The following ITPKB variants were observed in gnomAD, a reference collection of about 807,000 sequenced individuals.
ITPKB encodes the protein IP3 3-kinase B.
In ITPKB, 13 loss-of-function variants were observed where a neutral mutation model predicts 69.4. That is an observed-to-expected ratio of 0.19 (90% CI 0.12 to 0.30). The LOEUF (loss-of-function observed/expected upper bound fraction) is 0.30, where lower values mean the gene tolerates loss of function less well. ITPKB is among the 10% of genes least tolerant of loss of function. The pLI, the probability that ITPKB is intolerant of heterozygous loss-of-function variation, is 1.00. For synonymous variants in ITPKB, 584 were observed against 513.7 expected (o/e 1.14, Z -1.85); for missense variants, 1,240 against 1,250.5 (o/e 0.99, Z 0.13).
intron 2 of ITPKB, among the ~76,000 whole-genome samples, chr1:226,732,912 C>G (rs74986127): frequency 1.3e-5 from 2 of 152,134 alleles, no homozygotes; most frequent in Non-Finnish European, 2.9e-5. Flanking sequence ...ACTGTCACCC[C>G]CTGCCTGCAC....
intron 4 of ITPKB, among the ~76,000 whole-genome samples, chr1:226,645,381 GA>G (rs1056914844): frequency 2.0e-5 from 3 of 152,206 alleles, no homozygotes; most frequent in African/African-American, 7.2e-5. Context: ...TGCAATCAGA[GA>G]GAAGCTGCGG....
chr1:226,647,083 C>T (rs1349118254), intron 4 of ITPKB, 84 bp downstream of exon 4: 18 of 1,283,292 alleles, frequency 1.4e-5, no homozygotes, highest in Admixed American at 1.8e-5. Flanking sequence ...GTGAGGCCTC[C>T]GGGAAGCCCT....
Position 226,736,297 on chromosome 1 carries a change from C to G in ITPKB, c.1162G>C (p.Glu388Gln). The change falls in exon 2 of 8, where the codon GAA (glutamate) becomes CAA (glutamine). Residue 388 changes from glutamate (E) to glutamine (Q), a missense_variant. By Grantham distance (29) the Glu-to-Gln change is conservative (BLOSUM62 2). Around this residue, in one of 2 missense-constraint regions of ITPKB, gnomAD observed 992 missense variants for 853.8 expected, o/e 1.16. Transcript: ENST00000429204. ...PCGMPGSGEP[E>Q]VGKRPEETTV... Reference sequence around the variant, plus strand: ...GTCTCCTCTGGCCTTTTGCCCACTTCAGGCTCCCCAGAGCCCGGCATGCCA... The same window carrying G: ...GTCTCCTCTGGCCTTTTGCCCACTTGAGGCTCCCCAGAGCCCGGCATGCCA... 1 of 1,605,648 alleles carries G rather than the reference C, an allele frequency of 6.2e-7. No individual in the cohort carries two copies. Among genetic ancestry groups the G allele is most frequent in the Non-Finnish European group, 8.5e-7 (1 of 1,176,846 alleles).
At chr1:226,732,531 C>T (rs982652665) in intron 2 of ITPKB, among the ~76,000 whole-genome samples, 1 of 151,344 alleles carries the variant, frequency 6.6e-6, no homozygotes, top group Non-Finnish European at 1.5e-5. Flanking sequence ...AGCCACCGTG[C>T]CCAGCGTTCT....
intron 1 of ITPKB, 30 bp from the exon 2 acceptor site, chr1:226,737,693 C>A (rs894727615): frequency 6.5e-5 from 51 of 787,260 alleles, no homozygotes; most frequent in Non-Finnish European, 8.1e-5. Flanking sequence ...AAAGTCAGGA[C>A]CCTGGAGGGC....
At chr1:226,655,789 G>A (rs546144475) in intron 2 of ITPKB, among the ~76,000 whole-genome samples, 17 of 152,304 alleles carry the variant, frequency 1.1e-4, no homozygotes, top group Non-Finnish European at 2.1e-4. Flanking sequence ...CCAAACCAAT[G>A]TTATATTTCT....
intron 2 of ITPKB, chr1:226,656,736 T>C (rs889948211): frequency 6.6e-6 from 1 of 152,172 alleles, no homozygotes; most frequent in African/African-American, 2.4e-5. Context: ...AGTGTAGAGG[T>C]TGGAACGAAC....
chr1:226,706,118 C>T (rs1656796863), intron 2 of ITPKB, among the ~76,000 whole-genome samples: 1 of 152,200 alleles, frequency 6.6e-6, no homozygotes, highest in South Asian at 2.1e-4. Context: ...AAGGTCAAAA[C>T]CAAGTAAATC....
intron 2 of ITPKB, among the ~76,000 whole-genome samples, chr1:226,665,559 G>T (rs576554149): frequency 2.0e-5 from 3 of 152,230 alleles, no homozygotes; most frequent in Admixed American, 1.3e-4. Flanking sequence ...AAGACAAAAC[G>T]GGCCTCTCTG....
At chr1:226,673,865 A>G (rs1210670314) in intron 2 of ITPKB, among the ~76,000 whole-genome samples, 1 of 152,210 alleles carries the variant, frequency 6.6e-6, no homozygotes, top group Non-Finnish European at 1.5e-5. Flanking sequence ...CCTGCTACAG[A>G]AAGATTTCTG....
chr1:226,654,344 A>T (rs1669247557), intron 2 of ITPKB, among the ~76,000 whole-genome samples: 1 of 152,132 alleles, frequency 6.6e-6, no homozygotes, highest in Non-Finnish European at 1.5e-5. Context: ...CAACAGAGAG[A>T]AGCCTGCCCC....
chr1:226,635,986 A>T (rs1668830224), intron 7 of ITPKB, among the ~76,000 whole-genome samples: 1 of 152,238 alleles, frequency 6.6e-6, no homozygotes, highest in African/African-American at 2.4e-5. Flanking sequence ...CTGAGCCCAA[A>T]AAAGGGGCTT....
At chr1:226,712,187 C>T (rs1260290331) in intron 2 of ITPKB, among the ~76,000 whole-genome samples, 2 of 152,170 alleles carry the variant, frequency 1.3e-5, no homozygotes, top group African/African-American at 2.4e-5. Context: ...ACCACCTTCC[C>T]ACCGCACGAG....
In ITPKB at chr1:226,636,781, TGTGTGTGTGTGTGA is replaced by T. The variant is rs1469129725; in HGVS notation, c.2625+884_2625+897del. 7.9e-4 allele frequency among the ~76,000 whole-genome samples: 118 copies of T among 149,228 alleles called. 1 individual carries two copies. Among genetic ancestry groups the T allele is most frequent in the African/African-American group, 2.7e-3 (106 of 39,448 alleles). On this transcript the variant is annotated intron_variant, in intron 7 of 7. Coordinates refer to ENST00000429204, the MANE Select transcript of ITPKB (RefSeq NM_002221.4). ...GTGTGTGTGTGTGTGTGTGTGTGTG[TGTGTGTGTGTGTGA>T]GACTGGGAAAGGCATGCATGTTTGT...
Position 226,736,271 on chromosome 1 carries a change from C to T in ITPKB, c.1188G>A (p.Thr396=), listed in dbSNP as rs1411038052. Residue 396 remains threonine (T), a synonymous_variant, in exon 2 of 8, where the codon ACG becomes ACA. Transcript: ENST00000429204. The stretch of plus-strand genomic sequence containing the variant: ...ACTCTGCGCTTTGCACGCTCACAGT[C>T]GTCTCCTCTGGCCTTTTGCCCACTT... ...EPEVGKRPEE[T]TVSVQSAESS... is the part of the protein sequence containing the mutation. 19 of 1,584,000 alleles carry T rather than the reference C, an allele frequency of 1.2e-5. No homozygotes were observed. Among genetic ancestry groups the T allele is most frequent in the Non-Finnish European group, 1.6e-5 (19 of 1,167,536 alleles).
Position 226,641,972 on chromosome 1 carries a change from C to T in ITPKB, c.2400G>A (p.Arg800=), listed in dbSNP as rs779770532. 1.2e-6 allele frequency: 2 copies of T among 1,614,186 alleles called. No individual in the cohort carries two copies. Among genetic ancestry groups the T allele is most frequent in the East Asian group, 2.2e-5 (1 of 44,882 alleles). ...GGGTGGCCGTGGAGCTGATGGTCTC[C>T]CGCCACTGCATGTACCGTGGCTTGG... ...AVTKPRYMQW[R]ETISSTATLG... Residue 800 remains arginine, a synonymous_variant, in exon 5 of 8, where the codon CGG becomes CGA. Coordinates refer to ENST00000429204, the MANE Select transcript of ITPKB (RefSeq NM_002221.4). The surrounding 1 kb of genome is among the most constrained non-coding windows in gnomAD (Gnocchi z 4.6).
chr1:226,723,946 C>T (rs1413255679), intron 2 of ITPKB, among the ~76,000 whole-genome samples: 1 of 152,136 alleles, frequency 6.6e-6, no homozygotes, highest in South Asian at 2.1e-4. Flanking sequence ...TCATCTTCGA[C>T]AATTAGCTGT....
intron 2 of ITPKB, among the ~76,000 whole-genome samples, chr1:226,720,402 T>C (rs1657205180): frequency 6.6e-6 from 1 of 152,220 alleles, no homozygotes; most frequent in East Asian, 1.9e-4. Flanking sequence ...CCTTCCTCTG[T>C]TCTCCAGGCG....
chr1:226,737,607 C>G lies in ITPKB; in HGVS notation c.-149G>C, dbSNP rs915150395. 1.8e-4 allele frequency: 213 copies of G among 1,154,160 alleles called. No homozygotes were observed. Among genetic ancestry groups the G allele is most frequent in the Admixed American group, 4.3e-4 (9 of 21,086 alleles). 71.5% of individuals were successfully genotyped at this position (1,154,160 alleles called of 1,614,324 possible). On this transcript the variant is annotated 5_prime_UTR_variant, in exon 2 of 8. Coordinates refer to ENST00000429204, the MANE Select transcript of ITPKB (RefSeq NM_002221.4). Reference sequence around the variant, plus strand: ...GGGGCGGCATGGCCTGGGCAGCGGGCTGGGGGCACGACCGCGGGCTCAGCC... The same window carrying G: ...GGGGCGGCATGGCCTGGGCAGCGGGGTGGGGGCACGACCGCGGGCTCAGCC...
Sources: gnomAD v4.1 joint callset for allele counts (sites outside exome capture counted in the v4.1 genomes callset) on GRCh38, gnomAD v4.1.1 for gene constraint, gnomAD v4.1.1 regional missense constraint, Gnocchi (gnomAD v3.1) non-coding constraint, MANE v1.5 for transcripts, NCBI Gene and HGNC (gene_info 2026-07-23, HGNC 2026-07-21) for gene names.